Variants in ZMYND12 observed in about 807,000 individuals in gnomAD.
ZMYND12 encodes zinc finger MYND domain-containing protein 12.
Under a neutral mutation model 41.7 loss-of-function variants are expected in ZMYND12, and 32 were observed. The ratio of observed to expected loss-of-function variants is 0.77; its 90% CI spans 0.58 to 1.03. The LOEUF is 1.03. Among genes scored for constraint, ZMYND12 ranks in the 50% least tolerant of loss-of-function variants. The probability of loss-of-function intolerance (pLI) is 0.00; values close to 1 mark genes in which losing one functional copy is unlikely to be tolerated. For missense variants in ZMYND12, 424 were observed against 438.5 expected (o/e 0.97, Z 0.30); for synonymous variants, 148 against 164.8 (o/e 0.90, Z 0.78).
At chr1:42,455,830 C>G (rs975895022) in intron 1 of ZMYND12, 58 bp downstream of exon 1, 2 of 1,372,560 alleles carry the variant, frequency 1.5e-6, no homozygotes, top group South Asian at 2.6e-5. Flanking sequence ...AAGCCAGACC[C>G]GGGAAAGGGA....
intron 4 of ZMYND12, among the ~76,000 whole-genome samples, chr1:42,437,642 G>A (rs529927712): frequency 2.0e-5 from 3 of 148,268 alleles, no homozygotes; most frequent in South Asian, 2.1e-4. Context: ...CCTTCCGAGC[G>A]GCTGGCATGA....
rs1642953813 is a variant in ZMYND12, at chr1:42,440,140, A to C, written c.425-115T>G. ...TTCATTGACTCAAGTATTTATTGAC[A>C]CAGAAAAACTCATACAGGAATGTTC... On this transcript the variant is annotated intron_variant, in intron 3 of 7. Transcript: ENST00000372565. 3.5e-6 allele frequency: 4 copies of C among 1,149,598 alleles called. No individual in the cohort carries two copies. In the East Asian group the frequency reaches 1.1e-4, roughly 31 times the overall value. The allele number at this position is 1,149,598 out of a possible 1,614,324, so 71.2% of individuals were successfully genotyped here.
chr1:42,441,050 C>T lies in ZMYND12; in HGVS notation c.425-1025G>A, dbSNP rs549161872. On this transcript the variant is annotated intron_variant, in intron 3 of 7. Transcript: ENST00000372565. The stretch of plus-strand genomic sequence containing the variant: ...AATATATATATGCATATTTAATACC[C>T]TTTCTGTGCCAGGCCTTGTGTTGGG... Among the ~76,000 whole-genome samples the T allele has an allele frequency of 4.6e-5, 7 of 152,212 alleles. No homozygotes were observed. In the East Asian group the frequency reaches 1.4e-3, roughly 29 times the overall value.
Position 42,436,627 on chromosome 1 carries a change from C to T in ZMYND12, c.595-84G>A, listed in dbSNP as rs1642911385. Reference sequence around the variant, plus strand: ...AAAGGACTTGTATCTAGAATACATACAAAAAACTGTTACAACATTCCAATT... The same window carrying T: ...AAAGGACTTGTATCTAGAATACATATAAAAAACTGTTACAACATTCCAATT... On this transcript the variant is annotated intron_variant, in intron 4 of 7. Coordinates refer to ENST00000372565, the MANE Select transcript of ZMYND12 (RefSeq NM_032257.5). The T allele has an allele frequency of 6.1e-6, 9 of 1,480,416 alleles. No homozygotes were observed. The East Asian group carries it at 1.7e-4, about 28-fold the overall frequency. 91.7% of individuals were successfully genotyped at this position (1,480,416 alleles called of 1,614,324 possible). A position where few individuals can be genotyped will look rare whatever the true frequency, so the allele number is the denominator to read the frequency against.
At chr1:42,439,306 G>A (rs1472287709) in intron 4 of ZMYND12, among the ~76,000 whole-genome samples, 3 of 146,170 alleles carry the variant, frequency 2.1e-5, no homozygotes, top group East Asian at 2.1e-4. Flanking sequence ...TTGCTCTGTC[G>A]CCAGGCTGGA....
chr1:42,435,296 T>G lies in ZMYND12; in HGVS notation c.807A>C (p.Leu269=). The part of the protein sequence containing the change: ...HIQQMDLLGK[L]FENDTGLDEA... Reference sequence around the variant, plus strand: ...TACCCAAGCCAGTGTCATTCTCAAATAGTTTGCCCAGTAAATCCATTTGTT... The same window carrying G: ...TACCCAAGCCAGTGTCATTCTCAAAGAGTTTGCCCAGTAAATCCATTTGTT... The change falls in exon 6 of 8, where the codon CTA becomes CTC. Residue 269 remains leucine, a synonymous_variant. Transcript: ENST00000372565. The G allele has an allele frequency of 1.2e-6, 2 of 1,613,882 alleles. No homozygotes were observed. The highest frequency in any genetic ancestry group is 1.7e-6 in the Non-Finnish European group (2 of 1,179,770).
At chr1:42,441,000 T>C (rs1238284127) in intron 3 of ZMYND12, among the ~76,000 whole-genome samples, 1 of 152,196 alleles carries the variant, frequency 6.6e-6, no homozygotes, top group African/African-American at 2.4e-5. Context: ...AATTTTATGA[T>C]ATGTGAATTA....
intron 4 of ZMYND12, among the ~76,000 whole-genome samples, chr1:42,439,171 T>G (rs1455103292): frequency 6.6e-6 from 1 of 152,198 alleles, no homozygotes; most frequent in Non-Finnish European, 1.5e-5. Context: ...ATTTTATTAT[T>G]CCTGTCTTGC....
intron 5 of ZMYND12, chr1:42,435,617 A>C (rs1642898204): frequency 2.3e-6 from 1 of 437,198 alleles, no homozygotes; most frequent in South Asian, 2.9e-5. Context: ...GGGTAGCCCT[A>C]GTGGGGTCTA....
Position 42,450,040 on chromosome 1 carries a change from C to G in ZMYND12, c.130G>C (p.Ala44Pro). Residue 44 changes from alanine to proline, a missense_variant, in exon 2 of 8, where the codon GCT becomes CCT. Physicochemically the swap from Ala to Pro is conservative, Grantham distance 27. Coordinates refer to ENST00000372565, the MANE Select transcript of ZMYND12 (RefSeq NM_032257.5). ...TTCTCATGGATGCTGTCCCAGTCAG[C>G]CTTCTGATGTACCACCCCACTGACA... The part of the protein sequence containing the change: ...TYYCGVVHQK[A>P]DWDSIHEKIC... 6.2e-7 allele frequency: 1 copy of G among 1,613,848 alleles called. No homozygotes were observed. Among genetic ancestry groups the G allele is most frequent in the African/African-American group, 1.3e-5 (1 of 75,054 alleles).
chr1:42,443,820 G>C (rs1642994474), intron 3 of ZMYND12, among the ~76,000 whole-genome samples: 1 of 152,126 alleles, frequency 6.6e-6, no homozygotes, highest in Non-Finnish European at 1.5e-5. Context: ...TGCACACTAA[G>C]ACATGATCCC....
intron 4 of ZMYND12, among the ~76,000 whole-genome samples, chr1:42,438,638 GAGTCCATAGAGGTTGTGT>G (rs545835704): frequency 1.0e-3 from 154 of 152,306 alleles, no homozygotes; most frequent in African/African-American, 3.6e-3. Flanking sequence ...GAGAGCAATG[GAGTCCATAGAGGTTGTGT>G]AGTCCATAGA....
chr1:42,440,172 G>T, intron 3 of ZMYND12, 147 bp from the exon 4 acceptor site: 2 of 773,066 alleles, frequency 2.6e-6, no homozygotes, highest in Non-Finnish European at 3.7e-6. Flanking sequence ...GTTCACAGCA[G>T]CCTATTTGGA....
Position 42,439,925 on chromosome 1 carries a change from A to G in ZMYND12, c.525T>C (p.His175=), listed in dbSNP as rs773849642. The part of the protein sequence containing the change: ...DCSNATHSLL[H]RNLGLLYIAK... ...CTATATAGAGAAGTCCCAGATTCCGATGCAGTAAAGAGTGGGTGGCATTAC... is the reference window on the plus strand; with the variant it reads ...CTATATAGAGAAGTCCCAGATTCCGGTGCAGTAAAGAGTGGGTGGCATTAC... The change falls in exon 4 of 8, where the codon CAT becomes CAC. Residue 175 remains histidine, a synonymous_variant. Coordinates refer to ENST00000372565, the MANE Select transcript of ZMYND12 (RefSeq NM_032257.5). 4 of 1,614,180 alleles carry G rather than the reference A, an allele frequency of 2.5e-6. No individual in the cohort carries two copies. The South Asian group carries it at 4.4e-5, about 18-fold the overall frequency.
chr1:42,455,694 A>G (rs576722399), intron 1 of ZMYND12, among the ~76,000 whole-genome samples, 194 bp downstream of exon 1: 43 of 152,248 alleles, frequency 2.8e-4, no homozygotes, highest in Non-Finnish European at 4.8e-4. Flanking sequence ...ACGCCTTCAG[A>G]AAACATGAGT....
At chr1:42,438,556 C>T (rs1177084963) in intron 4 of ZMYND12, among the ~76,000 whole-genome samples, 1 of 152,022 alleles carries the variant, frequency 6.6e-6, no homozygotes, top group Non-Finnish European at 1.5e-5. Context: ...AGAATCAGTA[C>T]CCCAGCCTTT....
chr1:42,439,687 C>T (rs569518828), intron 4 of ZMYND12, among the ~76,000 whole-genome samples, 169 bp downstream of exon 4: 117 of 152,256 alleles, frequency 7.7e-4, no homozygotes, highest in Non-Finnish European at 1.1e-3. Context: ...TGCTTGAACT[C>T]GGGTCGGTAG....
At chr1:42,432,842 C>T (rs543756030) in intron 7 of ZMYND12, 16 of 297,198 alleles carry the variant, frequency 5.4e-5, no homozygotes, top group Non-Finnish European at 8.0e-5. Flanking sequence ...GGAGTTAGAG[C>T]GGCTACTTCA....
chr1:42,443,496 A>G (rs1253537404), intron 3 of ZMYND12, among the ~76,000 whole-genome samples: 1 of 152,158 alleles, frequency 6.6e-6, no homozygotes, highest in African/African-American at 2.4e-5. Flanking sequence ...CAGATCTGGG[A>G]GATATTATGG....
Sources: gnomAD v4.1 joint callset for allele counts (sites outside exome capture counted in the v4.1 genomes callset) on GRCh38, gnomAD v4.1.1 for gene constraint, MANE v1.5 for transcripts, NCBI Gene and HGNC (gene_info 2026-07-23, HGNC 2026-07-21) for gene names.